The following TLN2 variants were observed in gnomAD, a reference collection of about 807,000 sequenced individuals.
TLN2 encodes the protein talin 2, also known as talin-2.
A neutral mutation model predicts 294.7 loss-of-function variants in TLN2; 118 were observed. The observed-to-expected ratio is 0.40, with a 90% CI of 0.34 to 0.47. The LOEUF (loss-of-function observed/expected upper bound fraction) is 0.47. Ranked by LOEUF, TLN2 falls within the 20% of genes least tolerant of loss-of-function variation. The pLI, the probability that TLN2 is intolerant of heterozygous loss-of-function variation, is 0.84. For missense variants in TLN2, 3,083 were observed against 3,282.2 expected, an observed-to-expected ratio of 0.94 and a Z score of 1.48; for synonymous variants, 1,431 against 1,304.5, an observed-to-expected ratio of 1.10 and a Z score of -2.09.
intron 51 of TLN2, 133 bp from the exon 52 acceptor site, chr15:62,809,792 A>G: frequency 1.3e-6 from 1 of 746,118 alleles, no homozygotes; most frequent in South Asian, 1.7e-5. Flanking sequence ...TAGAGGAGAG[A>G]TACCTCTTCT....
chr15:62,710,720 CTTTTTTTTTT>C (rs71287048), intron 21 of TLN2, among the ~76,000 whole-genome samples: 2 of 77,074 alleles, frequency 2.6e-5, no homozygotes, highest in South Asian at 5.4e-4. Context: ...TGCTGATGTC[CTTTTTTTTTT>C]TTTTTTTTTT....
chr15:62,686,387 T>C (rs1219829133), intron 11 of TLN2, among the ~76,000 whole-genome samples: 1 of 152,192 alleles, frequency 6.6e-6, no homozygotes, highest in Non-Finnish European at 1.5e-5. Flanking sequence ...ATCGTCTGTT[T>C]TTGGAGCAAG....
At chr15:62,653,796 C>T (rs949404357) in intron 7 of TLN2, among the ~76,000 whole-genome samples, 1 of 151,544 alleles carries the variant, frequency 6.6e-6, no homozygotes, top group African/African-American at 2.4e-5. Flanking sequence ...AAAGAAATAT[C>T]TTAATATCAG....
chr15:62,456,246 T>G (rs2036473282), intron 1 of TLN2, among the ~76,000 whole-genome samples: 1 of 152,170 alleles, frequency 6.6e-6, no homozygotes, highest in African/African-American at 2.4e-5. Flanking sequence ...CTTTTTGTCC[T>G]TTTCTGTAAT....
chr15:62,412,593 A>G (rs1194575601), intron 1 of TLN2, among the ~76,000 whole-genome samples: 12 of 152,204 alleles, frequency 7.9e-5, no homozygotes. Flanking sequence ...CCCTGGGTAA[A>G]GACTTACATT....
At chr15:62,825,836 A>AAC (rs2068106770) in intron 54 of TLN2, among the ~76,000 whole-genome samples, 1 of 77,064 alleles carries the variant, frequency 1.3e-5, no homozygotes, top group Non-Finnish European at 2.1e-5. Context: ...TATAATATAT[A>AAC]ATATATATAA....
intron 37 of TLN2, 25 bp downstream of exon 37, chr15:62,755,718 A>T (rs1168224392): frequency 6.2e-7 from 1 of 1,613,404 alleles, no homozygotes; most frequent in Non-Finnish European, 8.5e-7. Flanking sequence ...TACCGGCCTT[A>T]TTGAACTCTG....
rs11857656 is a variant in TLN2 at position 62,755,432 on chromosome 15, C to G, written c.4477-100C>G. On this transcript the variant is annotated intron_variant, in intron 36 of 58. Transcript: ENST00000636159. ...AGACATGCTTGTAATTACACAGGCT[C>G]TGAACATGTGAGTTGAACAGGAACC... 3,119 of 1,421,150 alleles carry G rather than the reference C, an allele frequency of 2.2e-3. 45 individuals carry two copies. The African/African-American group carries it at 0.037, about 17-fold the overall frequency. 88.0% of individuals were successfully genotyped at this position (1,421,150 alleles called of 1,614,324 possible).
At chr15:62,407,788 G>C (rs193067999) in intron 1 of TLN2, among the ~76,000 whole-genome samples, 1 of 151,858 alleles carries the variant, frequency 6.6e-6, no homozygotes, top group Non-Finnish European at 1.5e-5. Context: ...TGTGGCGGGC[G>C]CCTATAATCC....
intron 31 of TLN2, 67 bp from the exon 32 acceptor site, chr15:62,740,563 G>C (rs2061270544): frequency 6.2e-7 from 1 of 1,600,112 alleles, no homozygotes; most frequent in East Asian, 2.2e-5. Flanking sequence ...GCTGCTCCTA[G>C]CTCTCTGAAT....
At chr15:62,399,866 C>T (rs1362482911) in intron 1 of TLN2, among the ~76,000 whole-genome samples, 1 of 152,046 alleles carries the variant, frequency 6.6e-6, no homozygotes, top group Non-Finnish European at 1.5e-5. Flanking sequence ...GACTTTGGAC[C>T]TGGACTTTTG....
chr15:62,833,342 G>A, intron 54 of TLN2, 162 bp from the exon 55 acceptor site: 1 of 1,112,312 alleles, frequency 9.0e-7, no homozygotes, highest in Non-Finnish European at 1.3e-6. Flanking sequence ...CAGGGGACCT[G>A]TCATCTGCTT....
At position 62,722,356 on chromosome 15, in the gene TLN2, G is replaced by A; in HGVS notation, c.2995G>A (p.Gly999Arg). Residue 999 changes from glycine (G) to arginine (R), a missense_variant, in exon 26 of 59, where the codon GGA (glycine) becomes AGA (arginine). By Grantham distance (125) the Gly-to-Arg change is moderately radical. Transcript: ENST00000636159. ...CTTTCTTTTCATCTCTCTATAGCCTGGAAGCAAGATGGTGTCCTCTGCCAA... is the reference window on the plus strand; with the variant it reads ...CTTTCTTTTCATCTCTCTATAGCCTAGAAGCAAGATGGTGTCCTCTGCCAA... ...IISSQNFLQP[G>R]SKMVSSAKAA... The A allele has an allele frequency of 6.2e-7, 1 of 1,607,282 alleles. No homozygotes were observed. Among genetic ancestry groups the A allele is most frequent in the East Asian group, 2.2e-5 (1 of 44,812 alleles).
chr15:62,697,469 G>T (rs1010196092), intron 14 of TLN2, among the ~76,000 whole-genome samples: 3 of 152,142 alleles, frequency 2.0e-5, no homozygotes, highest in African/African-American at 7.2e-5. Flanking sequence ...GATAAATTGG[G>T]AGTAATTATT....
intron 1 of TLN2, among the ~76,000 whole-genome samples, chr15:62,461,048 C>T (rs377309678): frequency 6.6e-6 from 1 of 152,022 alleles, no homozygotes; most frequent in African/African-American, 2.4e-5. Flanking sequence ...TCCCAGATTC[C>T]AGTGATTCTC....
intron 1 of TLN2, among the ~76,000 whole-genome samples, chr15:62,448,272 C>T (rs550277259): frequency 6.6e-6 from 1 of 152,316 alleles, no homozygotes; most frequent in African/African-American, 2.4e-5. Context: ...CAGTCAGGGC[C>T]TAATTCCGTA....
chr15:62,599,480 A>C (rs552024128), intron 2 of TLN2, among the ~76,000 whole-genome samples: 2 of 152,330 alleles, frequency 1.3e-5, no homozygotes, highest in East Asian at 3.9e-4. Context: ...AAAGATCAGT[A>C]ATCTTCACAG....
At chr15:62,512,365 A>G (rs1456894243) in intron 1 of TLN2, among the ~76,000 whole-genome samples, 1 of 151,970 alleles carries the variant, frequency 6.6e-6, no homozygotes, top group Non-Finnish European at 1.5e-5. Flanking sequence ...GTGGAAAATT[A>G]TTTCCCTTCC....
At chr15:62,757,216 C>G (rs1374804442) in intron 37 of TLN2, among the ~76,000 whole-genome samples, 1 of 152,196 alleles carries the variant, frequency 6.6e-6, no homozygotes, top group Non-Finnish European at 1.5e-5. Context: ...GGGCAGAATT[C>G]AAACCCAGGC....
Sources: gnomAD v4.1 joint callset for allele counts (sites outside exome capture counted in the v4.1 genomes callset) on GRCh38, gnomAD v4.1.1 for gene constraint, MANE v1.5 for transcripts, NCBI Gene and HGNC (gene_info 2026-07-23, HGNC 2026-07-21) for gene names.